The following PRRC1 variants were observed in gnomAD, a reference collection of about 807,000 sequenced individuals.
PRRC1 encodes protein PRRC1.
PRRC1 carries 39 observed loss-of-function variants against 40.7 expected under a neutral mutation model. That is an observed-to-expected ratio of 0.96 (90% CI 0.74 to 1.25). The LOEUF is 1.25. PRRC1 is among the 50% of genes most tolerant of loss of function. The pLI, the probability that PRRC1 is intolerant of heterozygous loss-of-function variation, is 0.00. For synonymous variants in PRRC1, 175 were observed against 193.3 expected (o/e 0.91, Z 0.79); for missense variants, 573 against 548.3 (o/e 1.05, Z -0.45).
At chr5:127,519,703 G>A (rs1008511907) in intron 1 of PRRC1, among the ~76,000 whole-genome samples, 20 of 152,026 alleles carry the variant, frequency 1.3e-4, no homozygotes, top group African/African-American at 3.9e-4. Flanking sequence ...ATTCTCTTAC[G>A]TAATCTCATC....
intron 1 of PRRC1, among the ~76,000 whole-genome samples, chr5:127,520,908 A>T (rs931488423): frequency 6.6e-6 from 1 of 152,186 alleles, no homozygotes; most frequent in Non-Finnish European, 1.5e-5. Flanking sequence ...TGTTACTGAG[A>T]GAAGCTGGGT....
Position 127,554,853 on chromosome 5 carries a change from C to T in PRRC1, c.*2937C>T, listed in dbSNP as rs1768485471. The stretch of plus-strand genomic sequence containing the variant: ...TTACTTTAATATGCTGTTGAATCTA[C>T]TCTGTTCCTTGGCTAGAAAAAATTA... On this transcript the variant is annotated 3_prime_UTR_variant, in exon 9 of 9. Coordinates refer to ENST00000296666, the MANE Select transcript of PRRC1 (RefSeq NM_130809.5). 6.6e-6 allele frequency: 1 copy of T among 152,566 alleles called. No homozygotes were observed. Among genetic ancestry groups the T allele is most frequent in the Non-Finnish European group, 1.5e-5 (1 of 68,018 alleles). The allele number at this position is 152,566 out of a possible 1,614,324, so 9.5% of individuals were successfully genotyped here.
Position 127,532,408 on chromosome 5 carries a change from T to C in PRRC1, c.758-1215T>C, listed in dbSNP as rs1767800934. On this transcript the variant is annotated intron_variant, in intron 5 of 8. Coordinates refer to ENST00000296666, the MANE Select transcript of PRRC1 (RefSeq NM_130809.5). ...AGGCGTGAACCACCGCGCCCGGCCA[T>C]CTTAAGGTATTTTTACACAAATATT... Among the ~76,000 whole-genome samples the C allele has an allele frequency of 2.0e-5, 3 of 152,134 alleles. No individual in the cohort carries two copies. In the South Asian group the frequency reaches 6.2e-4, roughly 32 times the overall value.
Position 127,547,806 on chromosome 5 carries a change from A to G in PRRC1, c.1026-13A>G. 6.3e-7 allele frequency: 1 copy of G among 1,589,512 alleles called. No homozygotes were observed. The highest frequency in any genetic ancestry group is 8.6e-7 in the Non-Finnish European group (1 of 1,160,218). The stretch of plus-strand genomic sequence containing the variant: ...GGCATATAAACCATTTGAAACTCGT[A>G]ATTCTGTTGCAGATGGTTTGACATT... On this transcript the variant is annotated splice_polypyrimidine_tract_variant and intron_variant, in intron 7 of 8. Transcript: ENST00000296666.
intron 4 of PRRC1, among the ~76,000 whole-genome samples, chr5:127,528,551 A>G (rs1399367862): frequency 6.6e-6 from 1 of 152,074 alleles, no homozygotes; most frequent in Non-Finnish European, 1.5e-5. Flanking sequence ...TCCTGACCTC[A>G]GGCGATCTGC....
In PRRC1 at chr5:127,523,490, A is replaced by G; in HGVS notation, c.11A>G (p.Glu4Gly). MME[E>G]SGIETTPPGT... Reference sequence around the variant, plus strand: ...CATAATTGAAGAAAAATGATGGAAGAGAGTGGAATAGAGACAACACCACCT... The same window carrying G: ...CATAATTGAAGAAAAATGATGGAAGGGAGTGGAATAGAGACAACACCACCT... The change falls in exon 2 of 9, where the codon GAG (glutamate) becomes GGG (glycine). Residue 4 changes from glutamate to glycine, a missense_variant. Transcript: ENST00000296666. 6.3e-7 allele frequency: 1 copy of G among 1,598,912 alleles called. No homozygotes were observed. Among genetic ancestry groups the G allele is most frequent in the Non-Finnish European group, 8.5e-7 (1 of 1,174,592 alleles).
Position 127,539,174 on chromosome 5 carries a change from A to G in PRRC1, c.1025+31A>G, listed in dbSNP as rs1228630762. On this transcript the variant is annotated intron_variant, in intron 7 of 8. Coordinates refer to ENST00000296666, the MANE Select transcript of PRRC1 (RefSeq NM_130809.5). ...TGTATTATGTTTCTCTTGGAAGCAA[A>G]ATATAATTGGGTCTGGGAGTTGACA... 9 of 1,549,858 alleles carry G rather than the reference A, an allele frequency of 5.8e-6. No individual in the cohort carries two copies. The South Asian group carries it at 8.9e-5, about 15-fold the overall frequency.
At chr5:127,533,001 T>A (rs1175024193) in intron 5 of PRRC1, among the ~76,000 whole-genome samples, 1 of 152,182 alleles carries the variant, frequency 6.6e-6, no homozygotes, top group Non-Finnish European at 1.5e-5. Flanking sequence ...TTTAAGTAAT[T>A]GAAAAATTAA....
intron 4 of PRRC1, 34 bp from the exon 5 acceptor site, chr5:127,530,260 A>T: frequency 6.3e-7 from 1 of 1,577,428 alleles, no homozygotes; most frequent in Non-Finnish European, 8.7e-7. Flanking sequence ...CCTCACTTAG[A>T]GTGAATACTT....
chr5:127,554,024 C>G lies in PRRC1; in HGVS notation c.*2108C>G, dbSNP rs1276345769. 1.1e-6 allele frequency: 1 copy of G among 899,178 alleles called. No homozygotes were observed. Among genetic ancestry groups the G allele is most frequent in the East Asian group, 2.8e-5 (1 of 35,642 alleles). The allele number at this position is 899,178 out of a possible 1,614,324, so 55.7% of individuals were successfully genotyped here. On this transcript the variant is annotated 3_prime_UTR_variant, in exon 9 of 9. Transcript: ENST00000296666. ...TTGAAAAGCAGCGGAGCATGACTGA[C>G]TTCACATGCTCAGCTTTCTCAGCCT...
At position 127,552,497 on chromosome 5, in the gene PRRC1, T is replaced by C. The variant is rs1768420836; in HGVS notation, c.*581T>C. 5.1e-6 allele frequency: 5 copies of C among 986,678 alleles called. No individual in the cohort carries two copies. Among genetic ancestry groups the C allele is most frequent in the South Asian group, 4.7e-5 (1 of 21,366 alleles). The allele number at this position is 986,678 out of a possible 1,614,324, so 61.1% of individuals were successfully genotyped here. A position where few individuals can be genotyped will look rare whatever the true frequency, so the allele number is the denominator to read the frequency against. ...AAATAATGGAATTGATTATTTTCCT[T>C]TTTGGCCATCACGTACACATGTAAT... On this transcript the variant is annotated 3_prime_UTR_variant, in exon 9 of 9. Transcript: ENST00000296666.
intron 4 of PRRC1, among the ~76,000 whole-genome samples, chr5:127,528,620 C>T (rs183488): frequency 0.44 from 66,981 of 151,896 alleles, 16,037 homozygotes; most frequent in African/African-American, 0.62. Flanking sequence ...GCAGCCTCTC[C>T]TTTTCTTTAC....
At chr5:127,533,036 C>T (rs762620426) in intron 5 of PRRC1, among the ~76,000 whole-genome samples, 24 of 151,814 alleles carry the variant, frequency 1.6e-4, no homozygotes, top group Admixed American at 4.6e-4. Context: ...ATTTTTATTT[C>T]GTATTACTCT....
chr5:127,541,730 T>C (rs893613692), intron 7 of PRRC1, among the ~76,000 whole-genome samples: 3 of 151,834 alleles, frequency 2.0e-5, no homozygotes, highest in Admixed American at 6.6e-5. Flanking sequence ...ATCCCCTTTA[T>C]CATTTTTTAT....
intron 8 of PRRC1, chr5:127,550,590 AC>A (rs1431292697): frequency 6.6e-6 from 1 of 152,210 alleles, no homozygotes; most frequent in East Asian, 1.9e-4. Context: ...CATAAGCAGC[AC>A]CTAGAAATTT....
intron 4 of PRRC1, among the ~76,000 whole-genome samples, chr5:127,529,174 A>G (rs1580933971): frequency 6.6e-6 from 1 of 151,864 alleles, no homozygotes; most frequent in Non-Finnish European, 1.5e-5. Context: ...CATTCTGCCA[A>G]GTTCCAATAT....
chr5:127,541,491 A>T lies in PRRC1; in HGVS notation c.1025+2348A>T, dbSNP rs375246082. Among the ~76,000 whole-genome samples, 21 of 152,002 alleles carry T rather than the reference A, an allele frequency of 1.4e-4. 1 individual carries two copies. Among genetic ancestry groups the T allele is most frequent in the Middle Eastern group, 3.4e-3 (1 of 294 alleles). On this transcript the variant is annotated intron_variant, in intron 7 of 8. Transcript: ENST00000296666. ...TACCTCTGGTAGAATTCGGCTGTGA[A>T]TCCATCTGGTCCTGTACTCTTTTTG...
intron 6 of PRRC1, among the ~76,000 whole-genome samples, chr5:127,536,921 T>C (rs1767915978): frequency 6.6e-6 from 1 of 151,794 alleles, no homozygotes; most frequent in African/African-American, 2.4e-5. Context: ...TAATGTAGAG[T>C]CTTAGAGTAT....
At chr5:127,541,977 A>G (rs1325660546) in intron 7 of PRRC1, among the ~76,000 whole-genome samples, 1 of 151,328 alleles carries the variant, frequency 6.6e-6, no homozygotes, top group African/African-American at 2.4e-5. Flanking sequence ...TAGGGTGTCA[A>G]TTTTGGATCT....
Sources: allele counts gnomAD v4.1 joint callset (sites outside exome capture counted in the v4.1 genomes callset), GRCh38; gene constraint gnomAD v4.1.1; transcripts MANE v1.5; gene names NCBI Gene and HGNC (gene_info 2026-07-23, HGNC 2026-07-21).